TMEM132D: variants seen among roughly 807,000 people sequenced by gnomAD.
TMEM132D encodes mature OL transmembrane protein.
A neutral mutation model predicts 62.3 loss-of-function variants in TMEM132D; 21 were observed. That is an observed-to-expected ratio of 0.34 (90% CI 0.24 to 0.49). TMEM132D has a LOEUF of 0.49. TMEM132D is among the 20% of genes least tolerant of loss of function. The pLI, the probability that TMEM132D is intolerant of heterozygous loss-of-function variation, is 0.99. For synonymous variants in TMEM132D, 621 were observed against 575.6 expected (o/e 1.08, Z -1.13); for missense variants, 1,346 against 1,402.8 (o/e 0.96, Z 0.65).
At chr12:129,774,737 G>A (rs1870862746) in intron 1 of TMEM132D, among the ~76,000 whole-genome samples, 1 of 152,218 alleles carries the variant, frequency 6.6e-6, no homozygotes, top group African/African-American at 2.4e-5. Flanking sequence ...GCACAGATGT[G>A]GACCAAGACT....
At chr12:129,740,550 G>T (rs962775393) in intron 1 of TMEM132D, among the ~76,000 whole-genome samples, 3 of 152,140 alleles carry the variant, frequency 2.0e-5, no homozygotes, top group Non-Finnish European at 4.4e-5. Context: ...AATCATTCAG[G>T]TGTAAGTATC....
intron 2 of TMEM132D, among the ~76,000 whole-genome samples, chr12:129,569,019 T>A (rs185718518): frequency 2.0e-5 from 3 of 152,152 alleles, no homozygotes; most frequent in Non-Finnish European, 4.4e-5. Context: ...ACAGGAGAAT[T>A]TGTACATCTA....
intron 3 of TMEM132D, among the ~76,000 whole-genome samples, chr12:129,347,542 C>T (rs1003626680): frequency 2.0e-5 from 3 of 152,210 alleles, no homozygotes; most frequent in African/African-American, 4.8e-5. Flanking sequence ...TCCTTTATAC[C>T]TTATACAAAA....
chr12:129,261,335 T>C (rs1880545400), intron 4 of TMEM132D, among the ~76,000 whole-genome samples: 1 of 152,188 alleles, frequency 6.6e-6, no homozygotes, highest in Non-Finnish European at 1.5e-5. Context: ...GGTTTCCCTG[T>C]GCTGTTCTTG....
chr12:129,633,026 C>T (rs1879386398), intron 2 of TMEM132D, among the ~76,000 whole-genome samples: 2 of 152,164 alleles, frequency 1.3e-5, no homozygotes, highest in Admixed American at 6.5e-5. Context: ...AAGTAGGATG[C>T]TTGGCTTAAA....
At chr12:129,450,777 A>T (rs11060353) in intron 3 of TMEM132D, among the ~76,000 whole-genome samples, 1 of 135,062 alleles carries the variant, frequency 7.4e-6, no homozygotes, top group Non-Finnish European at 1.5e-5. Context: ...TTTTTTTTGA[A>T]ACAGAGTCTC....
At chr12:129,397,241 T>G (rs555675965) in intron 3 of TMEM132D, among the ~76,000 whole-genome samples, 2 of 152,340 alleles carry the variant, frequency 1.3e-5, no homozygotes, top group East Asian at 3.9e-4. Context: ...TCAAATGGTC[T>G]TTTGTAAATT....
chr12:129,758,700 C>A (rs1254391645), intron 1 of TMEM132D, among the ~76,000 whole-genome samples: 1 of 152,128 alleles, frequency 6.6e-6, no homozygotes, highest in African/African-American at 2.4e-5. Context: ...ATACTTCCAA[C>A]CTAAATATTT....
At chr12:129,302,419 C>T (rs1881741872) in intron 4 of TMEM132D, among the ~76,000 whole-genome samples, 1 of 152,240 alleles carries the variant, frequency 6.6e-6, no homozygotes, top group Non-Finnish European at 1.5e-5. Flanking sequence ...CCGGCCTCTG[C>T]CACCTTTTCT....
At chr12:129,095,759 G>GC (rs1180515355) in intron 5 of TMEM132D, among the ~76,000 whole-genome samples, 1 of 152,098 alleles carries the variant, frequency 6.6e-6, no homozygotes, top group Non-Finnish European at 1.5e-5. Context: ...AGAAGCAGCT[G>GC]CCCCCAGGCC....
intron 3 of TMEM132D, among the ~76,000 whole-genome samples, chr12:129,396,818 A>G (rs1346029858): frequency 6.6e-6 from 1 of 152,192 alleles, no homozygotes; most frequent in East Asian, 1.9e-4. Context: ...AATGTCCAAA[A>G]GCAAATACAA....
At chr12:129,581,268 A>T (rs1295899191) in intron 2 of TMEM132D, among the ~76,000 whole-genome samples, 1 of 152,196 alleles carries the variant, frequency 6.6e-6, no homozygotes, top group Non-Finnish European at 1.5e-5. Flanking sequence ...AGACGTTGGC[A>T]CCATGCTTCT....
intron 2 of TMEM132D, among the ~76,000 whole-genome samples, chr12:129,623,724 C>CATACATATACATACATATGCATATAT (rs1565926931): frequency 1.7e-4 from 25 of 145,450 alleles, no homozygotes; most frequent in African/African-American, 6.3e-4. Flanking sequence ...CATATATATA[C>CATACATATACATACATATGCATATAT]ATACATATAT....
chr12:129,697,210 G>C (rs945556634), intron 2 of TMEM132D, among the ~76,000 whole-genome samples: 1 of 152,166 alleles, frequency 6.6e-6, no homozygotes, highest in Non-Finnish European at 1.5e-5. Flanking sequence ...ACAGTTTGGA[G>C]AAAAGCGCCC....
chr12:129,113,883 G>A (rs1875802534), intron 5 of TMEM132D, among the ~76,000 whole-genome samples: 1 of 152,108 alleles, frequency 6.6e-6, no homozygotes, highest in African/African-American at 2.4e-5. Flanking sequence ...CTTGCAGCAA[G>A]AGTTTCCAGC....
At chr12:129,686,600 T>A (rs1246561866) in intron 2 of TMEM132D, among the ~76,000 whole-genome samples, 2 of 152,232 alleles carry the variant, frequency 1.3e-5, no homozygotes, top group South Asian at 2.1e-4. Flanking sequence ...CTAAAAAAAA[T>A]TCCTTTTATA....
intron 2 of TMEM132D, among the ~76,000 whole-genome samples, chr12:129,584,059 T>C (rs1214106399): frequency 6.6e-6 from 1 of 152,180 alleles, no homozygotes; most frequent in African/African-American, 2.4e-5. Flanking sequence ...AAATTTTAAA[T>C]CACACTGTGT....
chr12:129,777,636 C>T (rs1446594980), intron 1 of TMEM132D, among the ~76,000 whole-genome samples: 1 of 152,214 alleles, frequency 6.6e-6, no homozygotes, highest in Non-Finnish European at 1.5e-5. Flanking sequence ...AGGACAACCA[C>T]TTACCATGTA....
chr12:129,442,446 AG>A (rs1414967592), intron 3 of TMEM132D, among the ~76,000 whole-genome samples: 1 of 152,154 alleles, frequency 6.6e-6, no homozygotes. Context: ...CTGAAACCTC[AG>A]GTAAGTCACT....
Sources: gnomAD v4.1 joint callset for allele counts (sites outside exome capture counted in the v4.1 genomes callset) on GRCh38, gnomAD v4.1.1 for gene constraint, MANE v1.5 for transcripts, NCBI Gene and HGNC (gene_info 2026-07-23, HGNC 2026-07-21) for gene names.